Variants in FGD3 observed in about 807,000 individuals in gnomAD.
The protein encoded by FGD3 is FYVE, RhoGEF and PH domain-containing protein 3.
FGD3 carries 45 observed loss-of-function variants against 71.8 expected under a neutral mutation model. The ratio of observed to expected loss-of-function variants is 0.63; its 90% CI spans 0.49 to 0.80. The LOEUF is 0.80. FGD3 is among the 30% of genes least tolerant of loss of function. The probability of loss-of-function intolerance (pLI) is 0.00; values close to 1 mark genes in which losing one functional copy is unlikely to be tolerated. For synonymous variants in FGD3, 378 were observed against 392.8 expected (o/e 0.96, Z 0.44); for missense variants, 844 against 951.5 (o/e 0.89, Z 1.49).
intron 3 of FGD3, among the ~76,000 whole-genome samples, chr9:93,000,051 A>ATT (rs34356006): frequency 0.013 from 1,911 of 150,838 alleles, 21 homozygotes; most frequent in Middle Eastern, 0.027. Context: ...TGTTTAATTG[A>ATT]TTTTTTTTTG....
intron 1 of FGD3, among the ~76,000 whole-genome samples, chr9:92,952,713 C>G (rs1453784062): frequency 6.6e-6 from 1 of 151,550 alleles, no homozygotes; most frequent in African/African-American, 2.4e-5. Context: ...CTCTTTCCTT[C>G]TTTCTCTCCT....
chr9:92,994,948 G>A (rs1362413358), intron 3 of FGD3, among the ~76,000 whole-genome samples: 2 of 152,152 alleles, frequency 1.3e-5, no homozygotes, highest in Non-Finnish European at 2.9e-5. Flanking sequence ...GATTGTCTTG[G>A]CAATGCGGGC....
At chr9:92,978,282 CA>C (rs372703604) in intron 3 of FGD3, among the ~76,000 whole-genome samples, 970 of 85,064 alleles carry the variant, frequency 0.011, 3 homozygotes, top group African/African-American at 0.037. Flanking sequence ...AACTCCATCT[CA>C]AAAAAAAAAA....
At chr9:93,025,307 C>G (rs760726699) in intron 14 of FGD3, among the ~76,000 whole-genome samples, 1 of 152,234 alleles carries the variant, frequency 6.6e-6, no homozygotes, top group East Asian at 1.9e-4. Flanking sequence ...CGACAGACCA[C>G]CAAACAACCA....
rs377573890 is a variant in FGD3, at chr9:93,015,811, G to A, written c.1257G>A (p.Met419Ile). ...AGAAGTTCAGCGTCCGGGAGAAGAT[G>A]GACATCTCAGGCCTCCAGGTGGGTG... ...MGQKFSVREK[M>I]DISGLQVQDI... The change falls in exon 10 of 18, where the codon ATG becomes ATA. Residue 419 changes from methionine (M) to isoleucine (I), a missense_variant. Physicochemically the swap from Met to Ile is conservative, Grantham distance 10 (BLOSUM62 1). Coordinates refer to ENST00000375482, the MANE Select transcript of FGD3 (RefSeq NM_001083536.2). 1 of 1,614,142 alleles carries A rather than the reference G, an allele frequency of 6.2e-7. No individual in the cohort carries two copies. The highest frequency in any genetic ancestry group is 8.5e-7 in the Non-Finnish European group (1 of 1,180,002).
intron 1 of FGD3, among the ~76,000 whole-genome samples, chr9:92,956,556 C>T (rs1331461393): frequency 6.6e-6 from 1 of 152,180 alleles, no homozygotes; most frequent in Non-Finnish European, 1.5e-5. Context: ...ATGATGGCTG[C>T]CTACAAGCCA....
chr9:92,970,122 G>T lies in FGD3; in HGVS notation c.-217-5116G>T, dbSNP rs115368737. 6.6e-3 allele frequency among the ~76,000 whole-genome samples: 1,008 copies of T among 152,266 alleles called. 7 individuals carry two copies. Among genetic ancestry groups the T allele is most frequent in the African/African-American group, 0.023 (947 of 41,536 alleles). On this transcript the variant is annotated intron_variant, in intron 1 of 17. Coordinates refer to ENST00000375482, the MANE Select transcript of FGD3 (RefSeq NM_001083536.2). ...ATGCCCCTGTGGAAACATAGGCATA[G>T]CCCTGGGCGGACCAGAGTGACCCAA...
In FGD3 at chr9:93,033,426, C is replaced by T. The variant is rs76714470; in HGVS notation, c.1785+553C>T. On this transcript the variant is annotated intron_variant, in intron 16 of 17. Transcript: ENST00000375482. ...TTCTCCTCTCCCTCCTCCTCCTGCT[C>T]CTTCTCCTCCCCGTACCCTTTTTCT... is the stretch of plus-strand genomic sequence containing the variant. 9.5e-3 allele frequency: 1,710 copies of T among 179,392 alleles called. 36 individuals carry two copies. The highest frequency in any genetic ancestry group is 0.038 in the African/African-American group (1,617 of 42,236). The allele number at this position is 179,392 out of a possible 1,614,324, so 11.1% of individuals were successfully genotyped here.
chr9:93,004,238 G>A, intron 5 of FGD3, 101 bp downstream of exon 5: 4 of 1,471,986 alleles, frequency 2.7e-6, no homozygotes, highest in African/African-American at 2.8e-5. Context: ...CTGTCTCATG[G>A]TGGCTGGGCG....
chr9:92,977,511 G>A (rs1045045513), intron 3 of FGD3, among the ~76,000 whole-genome samples: 11 of 152,112 alleles, frequency 7.2e-5, no homozygotes, highest in Non-Finnish European at 1.6e-4. Flanking sequence ...ATCGGGAGAC[G>A]GGCTGGGCAG....
intron 13 of FGD3, among the ~76,000 whole-genome samples, chr9:93,021,188 C>G (rs1323338248): frequency 2.6e-5 from 4 of 152,184 alleles, no homozygotes; most frequent in African/African-American, 9.7e-5. Flanking sequence ...CCTCCCAGTG[C>G]CCCCGTGCCC....
At chr9:93,031,119 A>G (rs544731841) in intron 15 of FGD3, among the ~76,000 whole-genome samples, 9 of 152,048 alleles carry the variant, frequency 5.9e-5, no homozygotes, top group Admixed American at 5.9e-4. Context: ...TGGATGATGG[A>G]TGGATGAATG....
intron 11 of FGD3, among the ~76,000 whole-genome samples, chr9:93,019,331 G>A (rs1181850997): frequency 6.6e-6 from 1 of 152,172 alleles, no homozygotes; most frequent in East Asian, 1.9e-4. Context: ...AGTTCCCACT[G>A]ACGAGGACCT....
intron 1 of FGD3, among the ~76,000 whole-genome samples, chr9:92,972,187 G>A (rs1252662961): frequency 2.0e-5 from 3 of 151,940 alleles, no homozygotes; most frequent in East Asian, 3.8e-4. Context: ...GGTAGCTCAT[G>A]CCTGTAATCC....
chr9:93,032,514 C>T (rs1455801275), intron 15 of FGD3: 18 of 456,964 alleles, frequency 3.9e-5, no homozygotes, highest in African/African-American at 1.5e-4. Context: ...CTTCCTCCCA[C>T]GCACACAAGA....
chr9:93,035,175 TGACAAAA>T (rs574288751), intron 17 of FGD3, among the ~76,000 whole-genome samples, 156 bp from the exon 18 acceptor site: 42 of 152,258 alleles, frequency 2.8e-4, no homozygotes, highest in Admixed American at 1.3e-3. Context: ...GTCCTCCTGT[TGACAAAA>T]GGCAGTGCAG....
intron 3 of FGD3, among the ~76,000 whole-genome samples, chr9:92,981,786 A>G (rs956799502): frequency 1.3e-5 from 2 of 152,194 alleles, no homozygotes; most frequent in East Asian, 1.9e-4. Flanking sequence ...TTATAACTAT[A>G]TAATGTCATT....
chr9:92,969,377 C>G lies in FGD3; in HGVS notation c.-217-5861C>G, dbSNP rs1472674299. ...AGAGCTGTCTTCCCTCCTGACCTGG[C>G]CTCCCACATGCTGCCCTCTCTAGTT... On this transcript the variant is annotated intron_variant, in intron 1 of 17. Coordinates refer to ENST00000375482, the MANE Select transcript of FGD3 (RefSeq NM_001083536.2). The surrounding 1 kb of genome is among the most constrained non-coding windows in gnomAD (Gnocchi z 4.5). 6.6e-6 allele frequency among the ~76,000 whole-genome samples: 1 copy of G among 152,220 alleles called. No homozygotes were observed. Among genetic ancestry groups the G allele is most frequent in the Non-Finnish European group, 1.5e-5 (1 of 68,036 alleles).
intron 9 of FGD3, 21 bp downstream of exon 9, chr9:93,014,019 C>T: frequency 6.3e-7 from 1 of 1,590,858 alleles, no homozygotes; most frequent in Non-Finnish European, 8.5e-7. Context: ...CCCCTGCCAG[C>T]CCAGCCGCAG....
Sources: allele counts gnomAD v4.1 joint callset (sites outside exome capture counted in the v4.1 genomes callset), GRCh38; gene constraint gnomAD v4.1.1; non-coding constraint Gnocchi (gnomAD v3.1); transcripts MANE v1.5; gene names NCBI Gene and HGNC (gene_info 2026-07-23, HGNC 2026-07-21).